Variants in DGKD observed in about 807,000 individuals in gnomAD.
DGKD encodes diacylglycerol kinase delta.
DGKD carries 68 observed loss-of-function variants against 154.4 expected under a neutral mutation model. That is an observed-to-expected ratio of 0.44 (90% confidence interval 0.36 to 0.54). The LOEUF is 0.54. Ranked by LOEUF, DGKD falls within the 20% of genes least tolerant of loss-of-function variation. The pLI is 0.00. For missense variants in DGKD, 1,343 were observed against 1,593.6 expected (o/e 0.84, Z 2.68); for synonymous variants, 693 against 638.0 (o/e 1.09, Z -1.30).
chr2:233,459,852 T>C lies in DGKD; in HGVS notation c.2790T>C (p.Ile930=). The part of the protein sequence containing the change: ...AWVQPPGYIR[I]VHKNRAQTLT... ...TCCAGCCGCCAGGGTACATTCGGAT[T>C]GTCCACAAGAACCGGGCACAGACAC... The change falls in exon 23 of 30, where the codon ATT becomes ATC. Residue 930 remains isoleucine (I), a synonymous_variant. Coordinates refer to ENST00000264057, the MANE Select transcript of DGKD (RefSeq NM_152879.3). The surrounding 1 kb of genome is among the most constrained non-coding windows in gnomAD (Gnocchi z 5.7). The C allele has an allele frequency of 1.9e-6, 3 of 1,614,034 alleles. No individual in the cohort carries two copies. The highest frequency in any genetic ancestry group is 2.5e-6 in the Non-Finnish European group (3 of 1,179,976).
Position 233,457,002 on chromosome 2 carries a change from G to A in DGKD, c.2472+7G>A. ...GCAAAAGGTCTTGCTGGAGGTGAGT[G>A]GGAGGGTCCTTGTCACCTGCAGGCT... On this transcript the variant is annotated splice_region_variant and intron_variant, in intron 20 of 29. Transcript: ENST00000264057. This position sits in a 1 kb window ranked among gnomAD's most constrained non-coding sequence, Gnocchi z 5.5. 1 of 1,610,146 alleles carries A rather than the reference G, an allele frequency of 6.2e-7. No homozygotes were observed. The highest frequency in any genetic ancestry group is 8.5e-7 in the Non-Finnish European group (1 of 1,176,382).
intron 9 of DGKD, among the ~76,000 whole-genome samples, chr2:233,439,602 A>G (rs1193497229): frequency 1.3e-5 from 2 of 152,146 alleles, no homozygotes; most frequent in Non-Finnish European, 2.9e-5. Flanking sequence ...TTGCTAGGTT[A>G]CCCAGGCTGA....
intron 3 of DGKD, among the ~76,000 whole-genome samples, chr2:233,398,298 C>G (rs193228971): frequency 3.3e-5 from 5 of 151,714 alleles, no homozygotes; most frequent in Non-Finnish European, 7.4e-5. Flanking sequence ...GCCGCCACCA[C>G]GCCCGACTAA....
chr2:233,361,423 C>T (rs1701775748), intron 1 of DGKD, among the ~76,000 whole-genome samples: 1 of 152,136 alleles, frequency 6.6e-6, no homozygotes, highest in South Asian at 2.1e-4. Flanking sequence ...ATGACTTTCA[C>T]GAGTCTGTTT....
In DGKD at chr2:233,434,863, C is replaced by T; in HGVS notation, c.548C>T (p.Ala183Val). 1 of 1,614,194 alleles carries T rather than the reference C, an allele frequency of 6.2e-7. No individual in the cohort carries two copies. Among genetic ancestry groups the T allele is most frequent in the Non-Finnish European group, 8.5e-7 (1 of 1,180,044 alleles). ...ACCTACTGCAATGTGTGCCGTGAGG[C>T]TCTGTCTGGGGTCACGTCGCACGGG... is the stretch of plus-strand genomic sequence containing the variant. ...RPTYCNVCRE[A>V]LSGVTSHGLS... The change falls in exon 5 of 30, where the codon GCT (alanine) becomes GTT (valine). Residue 183 changes from alanine to valine, a missense_variant. This residue lies in a region of DGKD where 332 missense variants were observed against 400.1 expected (regional missense o/e 0.83). Coordinates refer to ENST00000264057, the MANE Select transcript of DGKD (RefSeq NM_152879.3).
chr2:233,423,918 G>A (rs2062204298), intron 3 of DGKD, among the ~76,000 whole-genome samples: 1 of 152,108 alleles, frequency 6.6e-6, no homozygotes, highest in African/African-American at 2.4e-5. Flanking sequence ...TCATCCCTTT[G>A]GACAAGACCC....
In DGKD at chr2:233,435,899, A is replaced by T; in HGVS notation, c.668A>T (p.Lys223Met). 1 of 1,611,342 alleles carries T rather than the reference A, an allele frequency of 6.2e-7. No homozygotes were observed. Among genetic ancestry groups the T allele is most frequent in the Non-Finnish European group, 8.5e-7 (1 of 1,178,696 alleles). Residue 223 changes from lysine to methionine, a missense_variant, in exon 6 of 30, where the codon AAG (lysine) becomes ATG (methionine). Physicochemically the swap from Lys to Met is moderately conservative, Grantham distance 95. Transcript: ENST00000264057. ...TGGACCACACTGGCCTCGATCGGGA[A>T]GGACATCATTGAAGATGCAGATGGG... ...CKWTTLASIGKDIIEDADGIA... is the reference protein window; with the variant it reads ...CKWTTLASIGMDIIEDADGIA...
intron 3 of DGKD, among the ~76,000 whole-genome samples, chr2:233,432,235 C>CA (rs1417416654): frequency 2.1e-5 from 2 of 95,748 alleles, no homozygotes. Flanking sequence ...ATTAAAAATA[C>CA]AAAAAATTAG....
At chr2:233,419,019 T>A (rs996809670) in intron 3 of DGKD, among the ~76,000 whole-genome samples, 2 of 152,172 alleles carry the variant, frequency 1.3e-5, no homozygotes, top group Non-Finnish European at 2.9e-5. Context: ...CTGCTTTGAA[T>A]GGTCTGTCTC....
intron 3 of DGKD, among the ~76,000 whole-genome samples, chr2:233,429,459 A>G (rs915817048): frequency 2.6e-5 from 4 of 152,156 alleles, no homozygotes; most frequent in Non-Finnish European, 4.4e-5. Flanking sequence ...GGCAGCTCCC[A>G]GTCTCCCATG....
intron 1 of DGKD, chr2:233,388,029 C>G: frequency 3.2e-6 from 3 of 937,358 alleles, no homozygotes; most frequent in Non-Finnish European, 4.5e-6. Flanking sequence ...CTTGACACCC[C>G]CACCCACACA....
At chr2:233,408,514 C>G (rs2061742670) in intron 3 of DGKD, among the ~76,000 whole-genome samples, 1 of 152,200 alleles carries the variant, frequency 6.6e-6, no homozygotes, top group African/African-American at 2.4e-5. Flanking sequence ...AGCTCCTGCC[C>G]CCTGGGCTCA....
chr2:233,447,929 A>G (rs2124848500), intron 12 of DGKD, 158 bp from the exon 13 acceptor site: 1 of 1,465,558 alleles, frequency 6.8e-7, no homozygotes, highest in Non-Finnish European at 9.0e-7. Context: ...TAGCGTTAGA[A>G]GTGAGTTGAG....
chr2:233,423,238 A>G (rs958333397), intron 3 of DGKD, among the ~76,000 whole-genome samples: 2 of 151,938 alleles, frequency 1.3e-5, no homozygotes, highest in Non-Finnish European at 2.9e-5. Context: ...GTTTCGGTGC[A>G]AACATGAATC....
chr2:233,470,644 A>G lies in DGKD; in HGVS notation c.*1184A>G, dbSNP rs544096484. ...GCCCCGTAGGGACAGTGCCCAGGTG[A>G]AGGATGCCCCTGGTCCTCCAGGGCA... On this transcript the variant is annotated 3_prime_UTR_variant, in exon 30 of 30. Transcript: ENST00000264057. 7.9e-5 allele frequency: 12 copies of G among 152,512 alleles called. No individual in the cohort carries two copies. Among genetic ancestry groups the G allele is most frequent in the Admixed American group, 7.2e-4 (11 of 15,308 alleles). 9.4% of individuals were successfully genotyped at this position (152,512 alleles called of 1,614,324 possible).
intron 19 of DGKD, among the ~76,000 whole-genome samples, chr2:233,455,416 G>A (rs1273607964): frequency 6.6e-6 from 1 of 152,196 alleles, no homozygotes; most frequent in African/African-American, 2.4e-5. Flanking sequence ...AAGAGAGGAT[G>A]GAGAAAAATG....
intron 3 of DGKD, chr2:233,409,083 CTTTAGAG>C (rs1284723267): frequency 6.6e-6 from 1 of 152,208 alleles, no homozygotes; most frequent in Non-Finnish European, 1.5e-5. Flanking sequence ...GGTGTCTCTT[CTTTAGAG>C]TTTGGGGTGG....
chr2:233,437,285 C>A (rs944395440), intron 7 of DGKD, 92 bp from the exon 8 acceptor site: 1 of 1,212,126 alleles, frequency 8.2e-7, no homozygotes, highest in Non-Finnish European at 1.2e-6. Flanking sequence ...CTGCCTCCCC[C>A]GAGGCCAGCT....
rs767296945 is a variant in DGKD, at chr2:233,462,398, A to G, written c.3032A>G (p.His1011Arg). 1 of 1,605,126 alleles carries G rather than the reference A, an allele frequency of 6.2e-7. No individual in the cohort carries two copies. Reference protein sequence around the residue: ...SHRDMEQELAHAVNASSKSMD... With the variant: ...SHRDMEQELARAVNASSKSMD... Reference sequence around the variant, plus strand: ...CGGGACATGGAGCAGGAACTGGCCCACGCCGTCAATGCCAGCTCCAAGTCC... The same window carrying G: ...CGGGACATGGAGCAGGAACTGGCCCGCGCCGTCAATGCCAGCTCCAAGTCC... Residue 1011 changes from histidine (H) to arginine (R), a missense_variant, in exon 25 of 30, where the codon CAC (histidine) becomes CGC (arginine). Transcript: ENST00000264057.
Sources: allele counts gnomAD v4.1 joint callset (sites outside exome capture counted in the v4.1 genomes callset), GRCh38; gene constraint gnomAD v4.1.1; regional missense constraint gnomAD v4.1.1; non-coding constraint Gnocchi (gnomAD v3.1); transcripts MANE v1.5; gene names NCBI Gene and HGNC (gene_info 2026-07-23, HGNC 2026-07-21).